The following MAPKAP1 variants were observed in gnomAD, a reference collection of about 807,000 sequenced individuals.
The protein encoded by MAPKAP1 is MAPK associated protein 1, also known as target of rapamycin complex 2 subunit MAPKAP1.
In MAPKAP1, 20 loss-of-function variants were observed where a neutral mutation model predicts 65.7. The observed-to-expected ratio is 0.30, with a 90% CI of 0.21 to 0.44. The LOEUF (loss-of-function observed/expected upper bound fraction) is 0.44, where lower values mean the gene tolerates loss of function less well. Among genes scored for constraint, MAPKAP1 ranks in the 20% least tolerant of loss-of-function variants. MAPKAP1 has a pLI of 1.00. For missense variants in MAPKAP1, 423 were observed against 648.0 expected, an observed-to-expected ratio of 0.65 and a Z score of 3.77; for synonymous variants, 222 against 244.3, an observed-to-expected ratio of 0.91 and a Z score of 0.85.
chr9:125,637,412 A>G (rs1281166326), intron 4 of MAPKAP1, among the ~76,000 whole-genome samples: 1 of 149,952 alleles, frequency 6.7e-6, no homozygotes, highest in Non-Finnish European at 1.5e-5. Context: ...AAAAAAAAAA[A>G]TGAGGAAATG....
intron 4 of MAPKAP1, among the ~76,000 whole-genome samples, chr9:125,621,298 C>A (rs147380403): frequency 6.6e-6 from 1 of 151,676 alleles, no homozygotes; most frequent in Non-Finnish European, 1.5e-5. Flanking sequence ...CAAAAACAAA[C>A]CACAAAAGTG....
intron 1 of MAPKAP1, among the ~76,000 whole-genome samples, chr9:125,690,581 A>C (rs1835136100): frequency 6.6e-6 from 1 of 152,242 alleles, no homozygotes. Flanking sequence ...GGACTGAATG[A>C]ATTAATACAT....
chr9:125,702,752 T>C (rs1389998921), intron 1 of MAPKAP1, among the ~76,000 whole-genome samples: 2 of 150,928 alleles, frequency 1.3e-5, no homozygotes, highest in African/African-American at 4.9e-5. Flanking sequence ...CTCAGGAGGC[T>C]GAGGCAAGAG....
At chr9:125,525,629 C>T (rs914785446) in intron 7 of MAPKAP1, among the ~76,000 whole-genome samples, 1 of 151,614 alleles carries the variant, frequency 6.6e-6, no homozygotes, top group South Asian at 2.1e-4. Context: ...GCTGAGATTG[C>T]GCCATTGCAC....
intron 1 of MAPKAP1, among the ~76,000 whole-genome samples, chr9:125,693,734 T>A (rs1255034546): frequency 6.8e-6 from 1 of 146,624 alleles, no homozygotes; most frequent in Non-Finnish European, 1.5e-5. Flanking sequence ...TATACACATA[T>A]ATACACGTAT....
intron 9 of MAPKAP1, among the ~76,000 whole-genome samples, chr9:125,478,780 G>C (rs1406806139): frequency 6.6e-6 from 1 of 152,170 alleles, no homozygotes; most frequent in Non-Finnish European, 1.5e-5. Context: ...CTAACAGCTA[G>C]GTACCTCTCA....
At chr9:125,510,857 C>T (rs1829276545) in intron 7 of MAPKAP1, among the ~76,000 whole-genome samples, 1 of 152,100 alleles carries the variant, frequency 6.6e-6, no homozygotes, top group African/African-American at 2.4e-5. Flanking sequence ...TCCAAAAAGG[C>T]CAGGATGATA....
chr9:125,524,367 C>A (rs1373078526), intron 7 of MAPKAP1, among the ~76,000 whole-genome samples: 1 of 152,246 alleles, frequency 6.6e-6, no homozygotes, highest in African/African-American at 2.4e-5. Context: ...AATGAGATAA[C>A]ACATGTAAAG....
intron 4 of MAPKAP1, among the ~76,000 whole-genome samples, chr9:125,621,668 A>C (rs569078604): frequency 1.3e-5 from 2 of 152,352 alleles, no homozygotes; most frequent in South Asian, 4.1e-4. Context: ...GTATGTTTAG[A>C]TTAACAGCCT....
At chr9:125,691,215 C>G (rs890165679) in intron 1 of MAPKAP1, among the ~76,000 whole-genome samples, 1 of 152,048 alleles carries the variant, frequency 6.6e-6, no homozygotes, top group Non-Finnish European at 1.5e-5. Context: ...GAGCCGAGAT[C>G]GCGCCACTGC....
chr9:125,580,582 G>A (rs565635879), intron 5 of MAPKAP1, among the ~76,000 whole-genome samples: 2 of 151,700 alleles, frequency 1.3e-5, no homozygotes, highest in South Asian at 4.2e-4. Flanking sequence ...AATACCTATT[G>A]TAAATGACGA....
chr9:125,554,572 G>A (rs1830681499), intron 6 of MAPKAP1, among the ~76,000 whole-genome samples: 1 of 152,172 alleles, frequency 6.6e-6, no homozygotes, highest in South Asian at 2.1e-4. Flanking sequence ...GCCGAGGCAG[G>A]AGGACTGCTT....
intron 9 of MAPKAP1, among the ~76,000 whole-genome samples, chr9:125,469,482 T>C (rs1185678519): frequency 6.6e-6 from 1 of 152,222 alleles, no homozygotes; most frequent in Non-Finnish European, 1.5e-5. Flanking sequence ...TTTTATTTTA[T>C]GAATAAATAA....
At chr9:125,697,591 AT>A (rs1485811924) in intron 1 of MAPKAP1, among the ~76,000 whole-genome samples, 2 of 152,114 alleles carry the variant, frequency 1.3e-5, no homozygotes, top group African/African-American at 4.8e-5. Context: ...GATTTCTCTA[AT>A]TTTTATTGAA....
chr9:125,533,341 TA>T (rs1380930455), intron 7 of MAPKAP1, among the ~76,000 whole-genome samples: 2 of 152,230 alleles, frequency 1.3e-5, no homozygotes, highest in East Asian at 3.8e-4. Flanking sequence ...TACTGGCTGC[TA>T]ACCATCAGTT....
At chr9:125,670,780 G>A (rs937885891) in intron 2 of MAPKAP1, among the ~76,000 whole-genome samples, 7 of 152,264 alleles carry the variant, frequency 4.6e-5, no homozygotes, top group East Asian at 3.9e-4. Flanking sequence ...AAAAAAGAAA[G>A]TCACAATTGA....
intron 7 of MAPKAP1, among the ~76,000 whole-genome samples, chr9:125,513,780 C>T (rs964661639): frequency 6.6e-6 from 1 of 152,116 alleles, no homozygotes; most frequent in Non-Finnish European, 1.5e-5. Flanking sequence ...GGAGGGCACA[C>T]CGGGGCAGGG....
chr9:125,525,112 G>C (rs1213889720), intron 7 of MAPKAP1, among the ~76,000 whole-genome samples: 1 of 152,164 alleles, frequency 6.6e-6, no homozygotes. Context: ...ATAACTCAAA[G>C]CAGTCATATT....
In MAPKAP1 at chr9:125,597,264, C is replaced by CAAAAAAAA. The variant is rs35917056; in HGVS notation, c.499-11545_499-11538dup. On this transcript the variant is annotated intron_variant, in intron 4 of 11. Coordinates refer to ENST00000265960, the MANE Select transcript of MAPKAP1 (RefSeq NM_001006617.3). ...TGGACGACAGAGCGAGACTCCGTCT[C>CAAAAAAAA]AAAAAAAAAAAAAAAAAAAAAAAAA... Among the ~76,000 whole-genome samples the CAAAAAAAA allele has an allele frequency of 1.1e-3, 58 of 52,680 alleles. 2 individuals are homozygous for CAAAAAAAA. The highest frequency in any genetic ancestry group is 5.1e-3 in the African/African-American group (57 of 11,150). 34.6% of individuals were successfully genotyped at this position (52,680 alleles called of 152,430 possible). A position where few individuals can be genotyped will look rare whatever the true frequency, so the allele number is the denominator to read the frequency against.
Sources: gnomAD v4.1 joint callset for allele counts (sites outside exome capture counted in the v4.1 genomes callset) on GRCh38, gnomAD v4.1.1 for gene constraint, MANE v1.5 for transcripts, NCBI Gene and HGNC (gene_info 2026-07-23, HGNC 2026-07-21) for gene names.